GRAMD1B: variants seen among roughly 807,000 people sequenced by gnomAD.
The protein encoded by GRAMD1B is GRAM domain containing 1B, also known as protein Aster-B.
A neutral mutation model predicts 99.7 loss-of-function variants in GRAMD1B; 37 were observed. The observed-to-expected ratio is 0.37, with a 90% confidence interval of 0.29 to 0.49. The LOEUF is 0.49. Ranked by LOEUF, GRAMD1B falls within the 20% of genes least tolerant of loss-of-function variation. The pLI, the probability that GRAMD1B is intolerant of heterozygous loss-of-function variation, is 0.98. For synonymous variants in GRAMD1B, 427 were observed against 387.6 expected, an observed-to-expected ratio of 1.10 and a Z score of -1.19; for missense variants, 888 against 1,009.2, an observed-to-expected ratio of 0.88 and a Z score of 1.63.
chr11:123,552,273 CTTTTTTTT>C (rs71060514), intron 2 of GRAMD1B, among the ~76,000 whole-genome samples: 30 of 119,370 alleles, frequency 2.5e-4, no homozygotes, highest in Non-Finnish European at 4.7e-4. Flanking sequence ...CTCTTTCTTT[CTTTTTTTT>C]TTTTTTTTTT....
In GRAMD1B at chr11:123,537,241, A is replaced by G. The variant is rs78409794; in HGVS notation, c.453-40126A>G. Among the ~76,000 whole-genome samples, 2,035 of 152,254 alleles carry G rather than the reference A, an allele frequency of 0.013. 107 individuals carry two copies. In the East Asian group the frequency reaches 0.18, roughly 13 times the overall value. ...ATAGGAAAATTCCACTGGAAAACTG[A>G]GATGCCTCTTCTACTGTAGTGCAAA... On this transcript the variant is annotated intron_variant, in intron 2 of 19. Coordinates refer to ENST00000635736, the MANE Select transcript of GRAMD1B (RefSeq NM_001387025.1).
chr11:123,583,238 T>C (rs528025725), intron 3 of GRAMD1B, among the ~76,000 whole-genome samples: 11 of 150,986 alleles, frequency 7.3e-5, no homozygotes, highest in African/African-American at 2.7e-4. Context: ...TATGTGTGCA[T>C]GTCTGTGTGA....
Position 123,605,605 on chromosome 11 carries a change from C to T in GRAMD1B, c.1323+127C>T, listed in dbSNP as rs1355407557. On this transcript the variant is annotated intron_variant, in intron 10 of 19. Coordinates refer to ENST00000635736, the MANE Select transcript of GRAMD1B (RefSeq NM_001387025.1). ...TTGGTTACATTGTTGTCAGTTTCTT[C>T]AAGGAGGCATTCTGGAGCAGATGGG... 7 of 760,054 alleles carry T rather than the reference C, an allele frequency of 9.2e-6. No homozygotes were observed. In the African/African-American group the frequency reaches 1.2e-4, roughly 13 times the overall value. The allele number at this position is 760,054 out of a possible 1,614,324, so 47.1% of individuals were successfully genotyped here.
At chr11:123,397,381 T>G (rs1184484789) in intron 1 of GRAMD1B, among the ~76,000 whole-genome samples, 4 of 151,768 alleles carry the variant, frequency 2.6e-5, no homozygotes, top group Non-Finnish European at 4.4e-5. Flanking sequence ...CACTCCAGCC[T>G]GGGTGACAGA....
At chr11:123,613,284 G>T in intron 15 of GRAMD1B, 171 bp from the exon 16 acceptor site, 3 of 602,792 alleles carry the variant, frequency 5.0e-6, no homozygotes, top group South Asian at 4.2e-5. Flanking sequence ...CAGAGGAAGG[G>T]TTTGACTGGG....
intron 1 of GRAMD1B, among the ~76,000 whole-genome samples, chr11:123,441,202 CCTTTTAACAAGCAGAT>C (rs1949390580): frequency 6.6e-6 from 1 of 152,092 alleles, no homozygotes; most frequent in Non-Finnish European, 1.5e-5. Flanking sequence ...GTGTCAGGCT[CCTTTTAACAAGCAGAT>C]CTTGCAGGAA....
chr11:123,501,798 C>A (rs568604642), intron 2 of GRAMD1B, among the ~76,000 whole-genome samples: 1 of 152,290 alleles, frequency 6.6e-6, no homozygotes, highest in East Asian at 1.9e-4. Flanking sequence ...GAGCATGTTT[C>A]TTGTGTCTTA....
chr11:123,431,274 C>G (rs903507143), intron 1 of GRAMD1B, 108 bp downstream of exon 1: 3 of 595,962 alleles, frequency 5.0e-6, no homozygotes, highest in Middle Eastern at 3.5e-4. Flanking sequence ...AACAGGAGCC[C>G]GTCACCAGAG....
At chr11:123,469,613 G>A (rs75681524) in intron 1 of GRAMD1B, among the ~76,000 whole-genome samples, 2,604 of 152,084 alleles carry the variant, frequency 0.017, 82 homozygotes, top group African/African-American at 0.059. Flanking sequence ...GACTCCTGTT[G>A]GACATTTAAG....
intron 1 of GRAMD1B, among the ~76,000 whole-genome samples, chr11:123,376,058 T>G (rs2135758360): frequency 6.6e-6 from 1 of 152,036 alleles, no homozygotes; most frequent in African/African-American, 2.4e-5. Flanking sequence ...TTGGCTGGAG[T>G]ATGTTCTGGC....
chr11:123,608,587 T>C (rs1314747870), intron 11 of GRAMD1B, 72 bp from the exon 12 acceptor site: 2 of 1,553,106 alleles, frequency 1.3e-6, no homozygotes, highest in Non-Finnish European at 1.7e-6. Context: ...CTAAGTGCTC[T>C]TGGAGGATGT....
chr11:123,393,263 C>A (rs1947342658), intron 1 of GRAMD1B, among the ~76,000 whole-genome samples: 1 of 152,192 alleles, frequency 6.6e-6, no homozygotes, highest in African/African-American at 2.4e-5. Context: ...GTTACTTTAG[C>A]TTTCCCTGTG....
chr11:123,584,535 C>T (rs1365717074), intron 4 of GRAMD1B, among the ~76,000 whole-genome samples: 1 of 149,042 alleles, frequency 6.7e-6, no homozygotes, highest in Non-Finnish European at 1.5e-5. Context: ...ATTCAGGGGA[C>T]CAAGGAGGCG....
At chr11:123,483,723 C>T (rs1951737701) in intron 2 of GRAMD1B, among the ~76,000 whole-genome samples, 2 of 152,022 alleles carry the variant, frequency 1.3e-5, no homozygotes, top group South Asian at 4.2e-4. Context: ...GGTAACAAAC[C>T]GCAGATAAGG....
At chr11:123,522,711 C>A (rs910629291) in intron 2 of GRAMD1B, among the ~76,000 whole-genome samples, 1 of 152,148 alleles carries the variant, frequency 6.6e-6, no homozygotes, top group Non-Finnish European at 1.5e-5. Context: ...AAGGGGAATT[C>A]GAGGCAGATG....
chr11:123,596,169 A>G, intron 7 of GRAMD1B, 132 bp downstream of exon 7: 1 of 566,318 alleles, frequency 1.8e-6, no homozygotes, highest in Non-Finnish European at 3.1e-6. Flanking sequence ...GGCGATGCAG[A>G]TTCCAGGAAG....
intron 2 of GRAMD1B, among the ~76,000 whole-genome samples, chr11:123,564,120 C>G (rs921663028): frequency 2.0e-5 from 3 of 152,210 alleles, no homozygotes; most frequent in African/African-American, 7.2e-5. Flanking sequence ...TCTCCCCCAC[C>G]TGCACAGCCT....
intron 3 of GRAMD1B, among the ~76,000 whole-genome samples, chr11:123,579,071 G>A (rs1949050333): frequency 1.3e-5 from 2 of 152,378 alleles, no homozygotes; most frequent in South Asian, 4.1e-4. Context: ...GGGGAAAGCT[G>A]TTCTCCCAGA....
chr11:123,613,519 G>T lies in GRAMD1B; in HGVS notation c.2088G>T (p.Glu696Asp), dbSNP rs780686154. Residue 696 changes from glutamate to aspartate, a missense_variant, in exon 16 of 20, where the codon GAG (glutamate) becomes GAT (aspartate). Glu to Asp is a conservative substitution (Grantham distance 45). Transcript: ENST00000635736. Reference protein sequence around the residue: ...LAEMHRQSPKEKASKTTTVRR... With the variant: ...LAEMHRQSPKDKASKTTTVRR... The stretch of plus-strand genomic sequence containing the variant: ...AGATGCACAGACAATCTCCCAAAGA[G>T]AAGGCCAGCAAGACTACAACGGTGC... The T allele has an allele frequency of 6.8e-6, 11 of 1,613,588 alleles. No homozygotes were observed. The Admixed American group carries it at 1.7e-4, about 24-fold the overall frequency.
Sources: allele counts gnomAD v4.1 joint callset (sites outside exome capture counted in the v4.1 genomes callset), GRCh38; gene constraint gnomAD v4.1.1; transcripts MANE v1.5; gene names NCBI Gene and HGNC (gene_info 2026-07-23, HGNC 2026-07-21).